Variants in RPS6KC1 observed in about 807,000 individuals in gnomAD.
RPS6KC1 encodes the protein ribosomal protein S6 kinase C1, also known as inactive ribosomal protein S6 kinase delta-1.
RPS6KC1 carries 54 observed loss-of-function variants against 103.8 expected under a neutral mutation model. The observed-to-expected ratio is 0.52, with a 90% CI of 0.42 to 0.65. The LOEUF (loss-of-function observed/expected upper bound fraction) is 0.65. RPS6KC1 is among the 30% of genes least tolerant of loss of function. The pLI, the probability that RPS6KC1 is intolerant of heterozygous loss-of-function variation, is 0.00. For missense variants in RPS6KC1, 1,151 were observed against 1,253.8 expected, an observed-to-expected ratio of 0.92 and a Z score of 1.24; for synonymous variants, 439 against 438.7, an observed-to-expected ratio of 1.00 and a Z score of -0.01.
the RPS6KC1 span, among the ~76,000 whole-genome samples, chr1:213,603,237 C>T: frequency 6.6e-6 from 1 of 152,234 alleles, no homozygotes; most frequent in South Asian, 2.1e-4. Flanking sequence ...TGGCCCCAGA[C>T]CCTGTGCTCT....
intron 6 of RPS6KC1, among the ~76,000 whole-genome samples, chr1:213,152,210 G>A (rs1342081523): frequency 1.4e-5 from 2 of 145,224 alleles, no homozygotes; most frequent in African/African-American, 5.1e-5. Context: ...CCTGGACGGG[G>A]CGGCTGGCCG....
At chr1:213,808,899 G>A in the RPS6KC1 span, among the ~76,000 whole-genome samples, 2 of 152,204 alleles carry the variant, frequency 1.3e-5, no homozygotes, top group Non-Finnish European at 2.9e-5. Flanking sequence ...ATAGACCGGA[G>A]CTGTTCCTAT....
At chr1:213,310,205 AC>A in the RPS6KC1 span, among the ~76,000 whole-genome samples, 1 of 152,110 alleles carries the variant, frequency 6.6e-6, no homozygotes, top group Admixed American at 6.5e-5. Flanking sequence ...AGTCATAGTG[AC>A]CCTTTTAAAA....
the RPS6KC1 span, among the ~76,000 whole-genome samples, chr1:213,421,875 C>G: frequency 2.0e-5 from 3 of 152,218 alleles, no homozygotes; most frequent in African/African-American, 7.2e-5. Flanking sequence ...GTCCCCGTCT[C>G]CCTCTGCCTA....
chr1:213,380,639 C>G, the RPS6KC1 span, among the ~76,000 whole-genome samples: 4 of 152,078 alleles, frequency 2.6e-5, no homozygotes, highest in African/African-American at 9.7e-5. Flanking sequence ...GTATATTTAT[C>G]AAATTATTAC....
At chr1:213,700,648 T>C in the RPS6KC1 span, among the ~76,000 whole-genome samples, 1 of 152,106 alleles carries the variant, frequency 6.6e-6, no homozygotes, top group Non-Finnish European at 1.5e-5. Context: ...CTTTGGGTAG[T>C]ATGGACATTT....
the RPS6KC1 span, chr1:213,818,232 AAGGCT>A: frequency 1.3e-5 from 2 of 152,358 alleles, no homozygotes; most frequent in Admixed American, 1.3e-4. Context: ...CGTTAAATCC[AAGGCT>A]AGAGATGATT....
chr1:213,420,901 C>G, the RPS6KC1 span, among the ~76,000 whole-genome samples: 1 of 152,262 alleles, frequency 6.6e-6, no homozygotes, highest in Non-Finnish European at 1.5e-5. Context: ...GCTTCCTTGG[C>G]TTTATGGCAG....
the RPS6KC1 span, among the ~76,000 whole-genome samples, chr1:213,795,978 C>G: frequency 6.6e-6 from 1 of 152,270 alleles, no homozygotes; most frequent in South Asian, 2.1e-4. Flanking sequence ...TGACTTTGGT[C>G]TCTGGGTTCC....
chr1:213,279,797 G>T, the RPS6KC1 span, among the ~76,000 whole-genome samples: 20 of 152,158 alleles, frequency 1.3e-4, no homozygotes, highest in African/African-American at 4.3e-4. Flanking sequence ...AAAAGCTTTA[G>T]GAAAATGAAA....
At chr1:213,216,150 A>G (rs1301890170) in intron 8 of RPS6KC1, among the ~76,000 whole-genome samples, 1 of 152,212 alleles carries the variant, frequency 6.6e-6, no homozygotes, top group Non-Finnish European at 1.5e-5. Context: ...ATGCAGAGAC[A>G]CACATAGGCT....
chr1:213,783,815 CAAAAAAAAA>C, the RPS6KC1 span, among the ~76,000 whole-genome samples: 117 of 65,998 alleles, frequency 1.8e-3, 2 homozygotes, highest in Middle Eastern at 0.011. Flanking sequence ...AAGATGTTGC[CAAAAAAAAA>C]AAAAAAAAAA....
At chr1:213,362,144 C>T in the RPS6KC1 span, among the ~76,000 whole-genome samples, 6 of 152,190 alleles carry the variant, frequency 3.9e-5, no homozygotes, top group East Asian at 5.8e-4. Flanking sequence ...CTATTTGTAC[C>T]GAGGGAGAGG....
the RPS6KC1 span, among the ~76,000 whole-genome samples, chr1:213,797,394 G>A: frequency 6.6e-6 from 1 of 152,176 alleles, no homozygotes; most frequent in African/African-American, 2.4e-5. Flanking sequence ...GGCTGAGGTG[G>A]TAACTACTTT....
the RPS6KC1 span, among the ~76,000 whole-genome samples, chr1:213,359,247 G>A: frequency 3.9e-5 from 6 of 152,284 alleles, no homozygotes; most frequent in South Asian, 1.2e-3. Context: ...CTCCTGTACT[G>A]GGTGCATATA....
chr1:213,207,663 A>G, intron 8 of RPS6KC1, among the ~76,000 whole-genome samples: 1 of 151,674 alleles, frequency 6.6e-6, no homozygotes, highest in East Asian at 1.9e-4. Flanking sequence ...TTATAAATTT[A>G]TATACCTTTT....
At chr1:213,390,553 C>G in the RPS6KC1 span, among the ~76,000 whole-genome samples, 1 of 152,174 alleles carries the variant, frequency 6.6e-6, no homozygotes, top group African/African-American at 2.4e-5. Context: ...ATTTGCAAAA[C>G]TCTGGTGGGA....
At chr1:213,365,744 C>T in the RPS6KC1 span, among the ~76,000 whole-genome samples, 9 of 152,232 alleles carry the variant, frequency 5.9e-5, no homozygotes, top group South Asian at 2.1e-4. Flanking sequence ...TATTCCACAC[C>T]GATGTTCTAG....
At chr1:213,298,930 A>G in the RPS6KC1 span, among the ~76,000 whole-genome samples, 1 of 151,904 alleles carries the variant, frequency 6.6e-6, no homozygotes, top group Non-Finnish European at 1.5e-5. Flanking sequence ...TGAACTTTCA[A>G]CCTGAGCGGG....
Sources: allele counts gnomAD v4.1 joint callset (sites outside exome capture counted in the v4.1 genomes callset), GRCh38; gene constraint gnomAD v4.1.1; transcripts MANE v1.5; gene names NCBI Gene and HGNC (gene_info 2026-07-23, HGNC 2026-07-21).